Variants in RYK observed in about 807,000 individuals in gnomAD.
The protein encoded by RYK is inactive tyrosine-protein kinase RYK.
RYK carries 21 observed loss-of-function variants against 70.2 expected under a neutral mutation model. The ratio of observed to expected loss-of-function variants is 0.30; its 90% CI spans 0.21 to 0.43. The LOEUF is 0.43. Among genes scored for constraint, RYK ranks in the 20% least tolerant of loss-of-function variants. The pLI, the probability that RYK is intolerant of heterozygous loss-of-function variation, is 1.00. For missense variants in RYK, 604 were observed against 753.3 expected (o/e 0.80, Z 2.32); for synonymous variants, 267 against 278.0 (o/e 0.96, Z 0.39).
At chr3:134,182,304 G>A (rs1246938396) in intron 10 of RYK, among the ~76,000 whole-genome samples, 1 of 152,076 alleles carries the variant, frequency 6.6e-6, no homozygotes, top group African/African-American at 2.4e-5. Context: ...ATGGCTACAT[G>A]GATTTACAGT....
Position 134,250,543 on chromosome 3 carries a change from G to T in RYK, c.112C>A (p.Leu38Met), listed in dbSNP as rs1184730336. ...PLLLLLALLP[L>M]LPAPGAAAAP... ...GCGGCAGCGCCAGGCGCGGGCAGCAGCGGCAACAGCGCAAGCAGAAGCAGC... is the reference window on the plus strand; with the variant it reads ...GCGGCAGCGCCAGGCGCGGGCAGCATCGGCAACAGCGCAAGCAGAAGCAGC... Residue 38 changes from leucine to methionine, a missense_variant, in exon 1 of 15, where the codon CTG becomes ATG. By Grantham distance (15) the Leu-to-Met change is conservative (BLOSUM62 2). Transcript: ENST00000623711. 5.2e-6 allele frequency: 6 copies of T among 1,145,194 alleles called. No homozygotes were observed. In the Admixed American group the frequency reaches 1.3e-4, roughly 26 times the overall value. The allele number at this position is 1,145,194 out of a possible 1,614,324, so 70.9% of individuals were successfully genotyped here.
intron 1 of RYK, among the ~76,000 whole-genome samples, chr3:134,235,793 G>A (rs1413399281): frequency 6.6e-6 from 1 of 152,142 alleles, no homozygotes; most frequent in Non-Finnish European, 1.5e-5. Context: ...AATGATTAGA[G>A]AGGCAGTGAG....
chr3:134,229,437 G>A (rs2015000289), intron 1 of RYK, among the ~76,000 whole-genome samples: 1 of 136,488 alleles, frequency 7.3e-6, no homozygotes, highest in African/African-American at 2.7e-5. Flanking sequence ...GGTAAGCAAA[G>A]ATTTCCTGGA....
At chr3:134,181,232 G>C (rs1359940191) in intron 10 of RYK, 1 of 152,126 alleles carries the variant, frequency 6.6e-6, no homozygotes, top group African/African-American at 2.4e-5. Flanking sequence ...CTTCTCCCTA[G>C]AGTCAGTGTA....
intron 13 of RYK, among the ~76,000 whole-genome samples, chr3:134,161,526 T>C (rs1244897057): frequency 6.6e-6 from 1 of 152,184 alleles, no homozygotes; most frequent in African/African-American, 2.4e-5. Context: ...CTGTCCCAGT[T>C]AAGAACCACT....
chr3:134,227,337 A>C (rs557881338), intron 1 of RYK, among the ~76,000 whole-genome samples: 108 of 152,270 alleles, frequency 7.1e-4, no homozygotes, highest in Non-Finnish European at 1.1e-3. Context: ...TACTGTTAAC[A>C]TGTCAAGTCT....
chr3:134,247,423 G>A (rs1342188255), intron 1 of RYK, among the ~76,000 whole-genome samples: 2 of 152,244 alleles, frequency 1.3e-5, no homozygotes, highest in Admixed American at 6.5e-5. Context: ...AGTCTTTTAA[G>A]CCGGATGCGG....
intron 1 of RYK, among the ~76,000 whole-genome samples, chr3:134,226,109 T>A (rs890663189): frequency 8.6e-5 from 13 of 152,012 alleles, no homozygotes; most frequent in African/African-American, 3.1e-4. Context: ...GAGTATTATT[T>A]GAAAAGATTA....
intron 2 of RYK, among the ~76,000 whole-genome samples, chr3:134,218,823 T>G (rs1426338892): frequency 1.3e-5 from 2 of 151,936 alleles, no homozygotes; most frequent in Non-Finnish European, 2.9e-5. Flanking sequence ...CAAGAAACAA[T>G]GAAGGCCCAA....
At chr3:134,170,217 AG>A (rs2012843550) in intron 13 of RYK, among the ~76,000 whole-genome samples, 1 of 152,246 alleles carries the variant, frequency 6.6e-6, no homozygotes. Context: ...AAGCTACAAA[AG>A]AAAAATGTGA....
At chr3:134,188,163 A>T (rs1013146868) in intron 9 of RYK, among the ~76,000 whole-genome samples, 100 of 88,940 alleles carry the variant, frequency 1.1e-3, no homozygotes, top group Non-Finnish European at 1.8e-3. Flanking sequence ...ATATATATAT[A>T]TATATTTTTT....
At chr3:134,159,139 G>T in intron 14 of RYK, 98 bp downstream of exon 14, 1 of 1,258,104 alleles carries the variant, frequency 7.9e-7, no homozygotes, top group African/African-American at 1.5e-5. Context: ...ATTCTCAAAA[G>T]GGAAGGCTCT....
At chr3:134,176,125 C>T in intron 11 of RYK, 86 bp from the exon 12 acceptor site, 1 of 807,126 alleles carries the variant, frequency 1.2e-6, no homozygotes, top group Non-Finnish European at 2.1e-6. Context: ...CAATCCTACT[C>T]CATCCAAAAA....
At chr3:134,231,072 A>C (rs190904685) in intron 1 of RYK, among the ~76,000 whole-genome samples, 78 of 152,204 alleles carry the variant, frequency 5.1e-4, no homozygotes, top group African/African-American at 1.7e-3. Flanking sequence ...ATAATAACAA[A>C]AAATAATATG....
chr3:134,205,511 A>G (rs2014188640), intron 5 of RYK, among the ~76,000 whole-genome samples: 1 of 152,180 alleles, frequency 6.6e-6, no homozygotes, highest in Non-Finnish European at 1.5e-5. Context: ...AAAATTCTGA[A>G]TTCTGGAGGC....
At chr3:134,246,076 C>T (rs2015457554) in intron 1 of RYK, among the ~76,000 whole-genome samples, 1 of 149,764 alleles carries the variant, frequency 6.7e-6, no homozygotes, top group Admixed American at 6.7e-5. Flanking sequence ...AAAATACACA[C>T]ATCAGAGATA....
chr3:134,210,366 A>T (rs1289962304), intron 3 of RYK, among the ~76,000 whole-genome samples: 1 of 152,214 alleles, frequency 6.6e-6, no homozygotes, highest in African/African-American at 2.4e-5. Context: ...CCATAATTGT[A>T]ACAATGGGAT....
intron 1 of RYK, among the ~76,000 whole-genome samples, chr3:134,242,628 A>G (rs1325921426): frequency 6.6e-6 from 1 of 152,230 alleles, no homozygotes; most frequent in African/African-American, 2.4e-5. Flanking sequence ...AAGATTTTTC[A>G]GAACATTGGC....
intron 11 of RYK, among the ~76,000 whole-genome samples, chr3:134,176,810 G>C (rs1342105582): frequency 2.0e-5 from 3 of 152,060 alleles, no homozygotes; most frequent in African/African-American, 7.2e-5. Flanking sequence ...CAGCACTTTG[G>C]GAGGCTGAGG....
Sources: allele counts gnomAD v4.1 joint callset (sites outside exome capture counted in the v4.1 genomes callset), GRCh38; gene constraint gnomAD v4.1.1; transcripts MANE v1.5; gene names NCBI Gene and HGNC (gene_info 2026-07-23, HGNC 2026-07-21).